Variants in C10orf88 observed in about 807,000 individuals in gnomAD.
C10orf88 encodes chromosome 10 open reading frame 88, also known as ATPase PAAT.
A neutral mutation model predicts 34.2 loss-of-function variants in C10orf88; 29 were observed. The ratio of observed to expected loss-of-function variants is 0.85; its 90% CI spans 0.63 to 1.16. C10orf88 has a LOEUF of 1.16. Among genes scored for constraint, C10orf88 ranks in the 50% most tolerant of loss-of-function variants. The pLI is 0.00. For synonymous variants in C10orf88, 194 were observed against 197.4 expected, an observed-to-expected ratio of 0.98 and a Z score of 0.15; for missense variants, 507 against 533.2, an observed-to-expected ratio of 0.95 and a Z score of 0.48.
intron 1 of C10orf88, among the ~76,000 whole-genome samples, chr10:122,953,724 A>T (rs940543959): frequency 6.6e-6 from 1 of 152,102 alleles, no homozygotes; most frequent in African/African-American, 2.4e-5. Flanking sequence ...GGGCGGACTG[A>T]CTTTGACAGC....
chr10:122,953,321 C>T (rs1848710960), intron 1 of C10orf88, among the ~76,000 whole-genome samples: 1 of 152,152 alleles, frequency 6.6e-6, no homozygotes, highest in African/African-American at 2.4e-5. Context: ...TCGTGATCCG[C>T]CCGCCTCGGC....
rs115539014 is a variant in C10orf88 at position 122,932,566 on chromosome 10, C to T, written c.1199G>A (p.Arg400Gln). 2.4e-4 allele frequency: 384 copies of T among 1,613,862 alleles called. 1 individual carries two copies. In the African/African-American group the frequency reaches 3.3e-3, roughly 14 times the overall value. ...EKKLMDYIDQ[R>Q]IHELQEHIDD... is the part of the protein sequence containing the mutation. ...AATGTGCTCCTGGAGTTCATGTATT[C>T]GCTGATCAATGTAATCCATAAGTTT... The change falls in exon 6 of 6, where the codon CGA (arginine) becomes CAA (glutamine). Residue 400 changes from arginine to glutamine, a missense_variant. By Grantham distance (43) the Arg-to-Gln change is conservative (BLOSUM62 1). Coordinates refer to ENST00000481909, the MANE Select transcript of C10orf88 (RefSeq NM_024942.4).
chr10:122,942,034 A>G (rs1297057172), intron 4 of C10orf88, among the ~76,000 whole-genome samples: 1 of 152,160 alleles, frequency 6.6e-6, no homozygotes, highest in African/African-American at 2.4e-5. Flanking sequence ...AATTCATGGC[A>G]AAGAAAAATT....
chr10:122,940,957 T>A (rs1005584947), intron 4 of C10orf88, among the ~76,000 whole-genome samples: 7 of 152,102 alleles, frequency 4.6e-5, no homozygotes, highest in Admixed American at 3.9e-4. Flanking sequence ...ATATTCTGTA[T>A]ACACACAATA....
intron 4 of C10orf88, among the ~76,000 whole-genome samples, chr10:122,948,089 G>GTAGAT (rs1848655744): frequency 6.6e-6 from 1 of 152,086 alleles, no homozygotes; most frequent in East Asian, 1.9e-4. Context: ...TTATGATCTA[G>GTAGAT]CTGAAATCTA....
At chr10:122,944,291 C>T (rs1373289931) in intron 4 of C10orf88, among the ~76,000 whole-genome samples, 1 of 148,588 alleles carries the variant, frequency 6.7e-6, no homozygotes, top group Non-Finnish European at 1.5e-5. Context: ...AACCAAACAC[C>T]GCATATTCTC....
In C10orf88 at chr10:122,949,510, A is replaced by C. The variant is rs114026789; in HGVS notation, c.442-655T>G. 3.9e-3 allele frequency among the ~76,000 whole-genome samples: 595 copies of C among 152,338 alleles called. 3 individuals carry two copies. Among genetic ancestry groups the C allele is most frequent in the African/African-American group, 0.014 (562 of 41,580 alleles). Reference sequence around the variant, plus strand: ...GATACATTTGGCTAGTAAGTGGCTAATGGGCAGTAACATATACAGCAGGGA... The same window carrying C: ...GATACATTTGGCTAGTAAGTGGCTACTGGGCAGTAACATATACAGCAGGGA... On this transcript the variant is annotated intron_variant, in intron 3 of 5. Coordinates refer to ENST00000481909, the MANE Select transcript of C10orf88 (RefSeq NM_024942.4).
At chr10:122,946,344 T>C (rs1265634307) in intron 4 of C10orf88, among the ~76,000 whole-genome samples, 1 of 152,164 alleles carries the variant, frequency 6.6e-6, no homozygotes, top group Non-Finnish European at 1.5e-5. Flanking sequence ...ACTATATTTT[T>C]ACAGTACCTC....
At chr10:122,935,263 G>T (rs995366706) in intron 5 of C10orf88, among the ~76,000 whole-genome samples, 7 of 151,914 alleles carry the variant, frequency 4.6e-5, no homozygotes, top group African/African-American at 7.2e-5. Context: ...AGTTTCTCCT[G>T]TAGAAAAGCT....
Position 122,931,706 on chromosome 10 carries a change from A to G in C10orf88, c.*721T>C, listed in dbSNP as rs1589692778. On this transcript the variant is annotated 3_prime_UTR_variant, in exon 6 of 6. Coordinates refer to ENST00000481909, the MANE Select transcript of C10orf88 (RefSeq NM_024942.4). ...AAAGGATTCTGGGGAAAAAACCTGTATCAGCTCAAAAGGAGAGGTTTTCTT... is the reference window on the plus strand; with the variant it reads ...AAAGGATTCTGGGGAAAAAACCTGTGTCAGCTCAAAAGGAGAGGTTTTCTT... 4 of 152,306 alleles carry G rather than the reference A, an allele frequency of 2.6e-5. No homozygotes were observed. The highest frequency in any genetic ancestry group is 9.6e-5 in the African/African-American group (4 of 41,572). 9.4% of individuals were successfully genotyped at this position (152,306 alleles called of 1,614,324 possible). A position where few individuals can be genotyped will look rare whatever the true frequency, so the allele number is the denominator to read the frequency against.
At chr10:122,944,491 A>G (rs1848618943) in intron 4 of C10orf88, among the ~76,000 whole-genome samples, 1 of 152,084 alleles carries the variant, frequency 6.6e-6, no homozygotes, top group Non-Finnish European at 1.5e-5. Context: ...AAACCTGCAC[A>G]TTGTGCACAT....
At chr10:122,944,644 C>T (rs959857172) in intron 4 of C10orf88, among the ~76,000 whole-genome samples, 4 of 152,182 alleles carry the variant, frequency 2.6e-5, no homozygotes, top group African/African-American at 4.8e-5. Flanking sequence ...ATAGTGAGGG[C>T]CAGGAATCTG....
At chr10:122,941,165 T>G (rs1258312313) in intron 4 of C10orf88, among the ~76,000 whole-genome samples, 1 of 152,052 alleles carries the variant, frequency 6.6e-6, no homozygotes. Context: ...ATATGTTTTC[T>G]TTGAGAAAAT....
rs538518701 is a variant in C10orf88, at chr10:122,937,943, T to C, written c.865A>G (p.Thr289Ala). Residue 289 changes from threonine (T) to alanine (A), a missense_variant, in exon 5 of 6, where the codon ACC (threonine) becomes GCC (alanine). Physicochemically the swap from Thr to Ala is moderately conservative, Grantham distance 58 (BLOSUM62 0). Transcript: ENST00000481909. ...STQLPGGENS[T>A]KLDECKVMPQ... The stretch of plus-strand genomic sequence containing the variant: ...ATAACTTTACACTCATCAAGCTTGG[T>C]AGAATTCTCTCCACCAGGCAGTTGT... 70 of 1,613,384 alleles carry C rather than the reference T, an allele frequency of 4.3e-5. No homozygotes were observed. The East Asian group carries it at 1.0e-3, about 23-fold the overall frequency.
At chr10:122,945,925 C>T (rs930247738) in intron 4 of C10orf88, among the ~76,000 whole-genome samples, 1 of 151,774 alleles carries the variant, frequency 6.6e-6, no homozygotes, top group African/African-American at 2.4e-5. Flanking sequence ...GGTGAAACAC[C>T]GTATCTACTA....
chr10:122,946,323 T>C lies in C10orf88; in HGVS notation c.648+2326A>G, dbSNP rs1419702034. On this transcript the variant is annotated intron_variant, in intron 4 of 5. Transcript: ENST00000481909. ...GTGCCCTATACAGGCGTGCCATTTT[T>C]CATCTTGTATACTATATTTTTACAG... Among the ~76,000 whole-genome samples, 8 of 152,298 alleles carry C rather than the reference T, an allele frequency of 5.3e-5. No individual in the cohort carries two copies. In the East Asian group the frequency reaches 1.5e-3, roughly 29 times the overall value.
Position 122,932,579 on chromosome 10 carries a change from A to T in C10orf88, c.1186T>A (p.Tyr396Asn). The change falls in exon 6 of 6, where the codon TAC (tyrosine) becomes AAC (asparagine). Residue 396 changes from tyrosine to asparagine, a missense_variant. Transcript: ENST00000481909. ...AGTTCATGTATTCGCTGATCAATGT[A>T]ATCCATAAGTTTCTTTTCCATCAGT... is the stretch of plus-strand genomic sequence containing the variant. ...MELMEKKLMD[Y>N]IDQRIHELQE... is the part of the protein sequence containing the mutation. The T allele has an allele frequency of 6.2e-7, 1 of 1,613,936 alleles. No homozygotes were observed. The highest frequency in any genetic ancestry group is 2.2e-5 in the East Asian group (1 of 44,858).
intron 1 of C10orf88, among the ~76,000 whole-genome samples, chr10:122,953,614 G>A (rs975192714): frequency 6.6e-6 from 1 of 152,226 alleles, no homozygotes; most frequent in South Asian, 2.1e-4. Flanking sequence ...AAAGACAAAA[G>A]TGTATCTTTT....
At chr10:122,951,251 T>G (rs1848687377) in intron 3 of C10orf88, among the ~76,000 whole-genome samples, 1 of 152,270 alleles carries the variant, frequency 6.6e-6, no homozygotes, top group Non-Finnish European at 1.5e-5. Flanking sequence ...AATGGGTTTT[T>G]GCCATCACAG....
Sources: gnomAD v4.1 joint callset for allele counts (sites outside exome capture counted in the v4.1 genomes callset) on GRCh38, gnomAD v4.1.1 for gene constraint, MANE v1.5 for transcripts, NCBI Gene and HGNC (gene_info 2026-07-23, HGNC 2026-07-21) for gene names.